Variants in CSMD1 observed in about 807,000 individuals in gnomAD.
CSMD1 encodes CUB and Sushi multiple domains 1.
Under a neutral mutation model 417.5 loss-of-function variants are expected in CSMD1, and 213 were observed. That is an observed-to-expected ratio of 0.51 (90% CI 0.46 to 0.57). The LOEUF (loss-of-function observed/expected upper bound fraction) is 0.57, where lower values mean the gene tolerates loss of function less well. CSMD1 is among the 20% of genes least tolerant of loss of function. The probability of loss-of-function intolerance (pLI) is 0.00; values close to 1 mark genes in which losing one functional copy is unlikely to be tolerated. For synonymous variants in CSMD1, 2,862 were observed against 1,736.8 expected (o/e 1.65, Z -16.11); for missense variants, 6,923 against 4,529.7 (o/e 1.53, Z -15.17).
At position 3,594,383 on chromosome 8, in the gene CSMD1, G is replaced by T. The variant is rs73660325; in HGVS notation, c.1098-8123C>A. 8.4e-3 allele frequency among the ~76,000 whole-genome samples: 1,285 copies of T among 152,140 alleles called. 19 individuals carry two copies. Among genetic ancestry groups the T allele is most frequent in the African/African-American group, 0.029 (1,218 of 41,502 alleles). On this transcript the variant is annotated intron_variant, in intron 8 of 69. Coordinates refer to ENST00000635120, the MANE Select transcript of CSMD1 (RefSeq NM_033225.6). ...ACTTATGCTGGAAACTGAAATTTGG[G>T]TTACGTCTTGAAAGATGCATAGAAT...
chr8:3,753,502 A>T (rs553475189), intron 6 of CSMD1, among the ~76,000 whole-genome samples: 16 of 152,210 alleles, frequency 1.1e-4, no homozygotes, highest in Admixed American at 4.6e-4. Flanking sequence ...TGAATCATGC[A>T]TTTATGTGGT....
At chr8:4,673,170 A>AAAAG (rs879574792) in intron 1 of CSMD1, among the ~76,000 whole-genome samples, 35 of 152,204 alleles carry the variant, frequency 2.3e-4, no homozygotes, top group Non-Finnish European at 4.3e-4. Context: ...TATGGAAGGA[A>AAAAG]AAAGAAAGAA....
chr8:4,385,387 T>C (rs940794091), intron 3 of CSMD1, among the ~76,000 whole-genome samples: 3 of 152,228 alleles, frequency 2.0e-5, no homozygotes, highest in African/African-American at 7.2e-5. Flanking sequence ...TTAACATTTG[T>C]TCTGAAGGGC....
intron 1 of CSMD1, among the ~76,000 whole-genome samples, chr8:4,754,895 T>G (rs983066507): frequency 6.6e-5 from 10 of 151,810 alleles, no homozygotes. Context: ...TCCAAGCACT[T>G]TGTGAATCCA....
chr8:4,975,261 T>A (rs986032549), intron 1 of CSMD1, among the ~76,000 whole-genome samples: 1 of 152,126 alleles, frequency 6.6e-6, no homozygotes, highest in Admixed American at 6.5e-5. Flanking sequence ...TAATTTCAAC[T>A]TACGCTTATT....
intron 18 of CSMD1, among the ~76,000 whole-genome samples, chr8:3,378,462 C>T (rs1391430060): frequency 3.3e-5 from 5 of 152,108 alleles, no homozygotes; most frequent in African/African-American, 2.4e-5. Flanking sequence ...AAATTTCAGG[C>T]CAATATCCCT....
intron 2 of CSMD1, among the ~76,000 whole-genome samples, chr8:4,428,454 C>T (rs1238075517): frequency 6.6e-6 from 1 of 152,138 alleles, no homozygotes; most frequent in Non-Finnish European, 1.5e-5. Context: ...TGGTTTTTCA[C>T]ATTAATTTCT....
At chr8:4,277,872 C>T (rs10104095) in intron 3 of CSMD1, among the ~76,000 whole-genome samples, 3,291 of 152,110 alleles carry the variant, frequency 0.022, 96 homozygotes, top group African/African-American at 0.075. Context: ...CTCAGCCTCC[C>T]GAGTAGATGG....
At chr8:3,349,688 A>T (rs545712495) in intron 21 of CSMD1, among the ~76,000 whole-genome samples, 22 of 149,326 alleles carry the variant, frequency 1.5e-4, no homozygotes, top group African/African-American at 5.1e-4. Flanking sequence ...TTTAAAAGAG[A>T]AATTTATATG....
At chr8:4,230,377 G>A (rs1308472760) in intron 3 of CSMD1, among the ~76,000 whole-genome samples, 1 of 152,110 alleles carries the variant, frequency 6.6e-6, no homozygotes, top group Non-Finnish European at 1.5e-5. Context: ...CCTACCTGAG[G>A]TCAGACAACT....
intron 2 of CSMD1, among the ~76,000 whole-genome samples, chr8:4,533,398 C>A (rs1796939336): frequency 6.6e-6 from 1 of 152,116 alleles, no homozygotes; most frequent in Non-Finnish European, 1.5e-5. Flanking sequence ...TCCATATGAC[C>A]AGGATGGACG....
At chr8:4,730,085 A>G (rs987031742) in intron 1 of CSMD1, among the ~76,000 whole-genome samples, 1 of 152,164 alleles carries the variant, frequency 6.6e-6, no homozygotes, top group Non-Finnish European at 1.5e-5. Flanking sequence ...ATTGTATGAC[A>G]TCTTTATTAC....
intron 3 of CSMD1, among the ~76,000 whole-genome samples, chr8:4,356,729 G>C (rs1165054184): frequency 2.0e-5 from 3 of 152,104 alleles, no homozygotes; most frequent in Non-Finnish European, 4.4e-5. Flanking sequence ...GAGAGGTACA[G>C]TGAGGGCACC....
Position 3,618,428 on chromosome 8 carries a change from G to A in CSMD1, c.1010-1631C>T, listed in dbSNP as rs184227135. The stretch of plus-strand genomic sequence containing the variant: ...GTAAGTACTTCACTATTCCAAACGG[G>A]TTAAGATATTTTTTAGGTATTTTTA... On this transcript the variant is annotated intron_variant, in intron 7 of 69. Coordinates refer to ENST00000635120, the MANE Select transcript of CSMD1 (RefSeq NM_033225.6). Among the ~76,000 whole-genome samples, 424 of 151,908 alleles carry A rather than the reference G, an allele frequency of 2.8e-3. 4 individuals are homozygous for A. The highest frequency in any genetic ancestry group is 9.7e-3 in the African/African-American group (403 of 41,404).
At chr8:4,538,468 C>G (rs1019642327) in intron 2 of CSMD1, among the ~76,000 whole-genome samples, 1 of 151,856 alleles carries the variant, frequency 6.6e-6, no homozygotes, top group Non-Finnish European at 1.5e-5. Flanking sequence ...CATGGTGAAA[C>G]CCTGTCTCTA....
In CSMD1 at chr8:3,899,647, G is replaced by C. The variant is rs189869111; in HGVS notation, c.818+98256C>G. Among the ~76,000 whole-genome samples, 606 of 152,320 alleles carry C rather than the reference G, an allele frequency of 4.0e-3. 7 individuals carry two copies. Among genetic ancestry groups the C allele is most frequent in the Non-Finnish European group, 4.2e-3 (283 of 68,026 alleles). On this transcript the variant is annotated intron_variant, in intron 5 of 69. Coordinates refer to ENST00000635120, the MANE Select transcript of CSMD1 (RefSeq NM_033225.6). Reference sequence around the variant, plus strand: ...GAGAGGAAAAGGTTTTGGAGGCTGAGAAACTAGACAAGAAGGTGGCTTTTG... The same window carrying C: ...GAGAGGAAAAGGTTTTGGAGGCTGACAAACTAGACAAGAAGGTGGCTTTTG...
In CSMD1 at chr8:4,299,842, G is replaced by C. The variant is rs375848684; in HGVS notation, c.415+120111C>G. On this transcript the variant is annotated intron_variant, in intron 3 of 69. Transcript: ENST00000635120. Reference sequence around the variant, plus strand: ...GATGGGTTTTCACCTTCTTGGCCAGGATGGTCTCGATCTCCTGACTTCATG... The same window carrying C: ...GATGGGTTTTCACCTTCTTGGCCAGCATGGTCTCGATCTCCTGACTTCATG... Among the ~76,000 whole-genome samples the C allele has an allele frequency of 4.6e-5, 7 of 152,144 alleles. No homozygotes were observed. In the South Asian group the frequency reaches 1.5e-3, roughly 32 times the overall value.
At chr8:3,923,846 T>C (rs1197777405) in intron 5 of CSMD1, among the ~76,000 whole-genome samples, 2 of 152,234 alleles carry the variant, frequency 1.3e-5, no homozygotes, top group Non-Finnish European at 2.9e-5. Context: ...ATTCCATAGA[T>C]AAGTGAAATC....
At chr8:3,832,194 C>T (rs993948349) in intron 5 of CSMD1, among the ~76,000 whole-genome samples, 11 of 152,230 alleles carry the variant, frequency 7.2e-5, no homozygotes, top group African/African-American at 1.7e-4. Context: ...GGCTGAGTCA[C>T]GTGGGATGGA....
Sources: gnomAD v4.1 joint callset for allele counts (sites outside exome capture counted in the v4.1 genomes callset) on GRCh38, gnomAD v4.1.1 for gene constraint, MANE v1.5 for transcripts, NCBI Gene and HGNC (gene_info 2026-07-23, HGNC 2026-07-21) for gene names.